The following SIRT2 variants were observed in gnomAD, a reference collection of about 807,000 sequenced individuals.
SIRT2 encodes sirtuin 2.
Under a neutral mutation model 57.4 loss-of-function variants are expected in SIRT2, and 40 were observed. The ratio of observed to expected loss-of-function variants is 0.70; its 90% CI spans 0.54 to 0.91. The LOEUF (loss-of-function observed/expected upper bound fraction) is 0.91. SIRT2 is among the 40% of genes least tolerant of loss of function. SIRT2 has a pLI of 0.00. For synonymous variants in SIRT2, 161 were observed against 195.7 expected (o/e 0.82, Z 1.48); for missense variants, 439 against 510.4 (o/e 0.86, Z 1.35).
Position 38,879,188 on chromosome 19 carries a change from C to T in SIRT2, c.1137G>A (p.Glu379=), listed in dbSNP as rs147376113. 2 of 1,586,526 alleles carry T rather than the reference C, an allele frequency of 1.3e-6. No individual in the cohort carries two copies. Among genetic ancestry groups the T allele is most frequent in the Non-Finnish European group, 1.7e-6 (2 of 1,172,744 alleles). ...PKKSPPPAKD[E]ARTTEREKPQ is the part of the protein sequence containing the mutation. ...GTTTCTCCCTCTCTGTTGTCCTGGCCTCGTCCTTGGCAGGTGGCGGGGACT... is the reference window on the plus strand; with the variant it reads ...GTTTCTCCCTCTCTGTTGTCCTGGCTTCGTCCTTGGCAGGTGGCGGGGACT... Residue 379 remains glutamate, a synonymous_variant, in exon 16 of 16, where the codon GAG becomes GAA. Transcript: ENST00000249396.
At chr19:38,886,069 C>T (rs758535383) in intron 8 of SIRT2, among the ~76,000 whole-genome samples, 3 of 152,184 alleles carry the variant, frequency 2.0e-5, no homozygotes, top group Non-Finnish European at 4.4e-5. Context: ...GCAGAGGTTA[C>T]GCAGAGATGG....
chr19:38,885,803 A>C (rs991992788), intron 8 of SIRT2, among the ~76,000 whole-genome samples: 2 of 151,510 alleles, frequency 1.3e-5, no homozygotes, highest in South Asian at 2.1e-4. Context: ...GTTGGTCAGG[A>C]TGGTCTCGAT....
intron 8 of SIRT2, among the ~76,000 whole-genome samples, chr19:38,888,617 CA>C (rs1405666860): frequency 1.3e-5 from 2 of 152,170 alleles, no homozygotes; most frequent in Non-Finnish European, 2.9e-5. Flanking sequence ...GGGCAAAGCA[CA>C]AAAAACTATA....
At position 38,879,492 on chromosome 19, in the gene SIRT2, G is replaced by A; in HGVS notation, c.956C>T (p.Ala319Val). The A allele has an allele frequency of 1.2e-6, 2 of 1,604,512 alleles. No homozygotes were observed. Among genetic ancestry groups the A allele is most frequent in the Non-Finnish European group, 1.7e-6 (2 of 1,175,552 alleles). ...GCCCTGGTCGCATTCACCCAGCCAG[G>A]CCACGTCCCTGCGGTGCAGCAGGAG... ...FDSKKAYRDVAWLGECDQGCL... is the reference protein window; with the variant it reads ...FDSKKAYRDVVWLGECDQGCL... Residue 319 changes from alanine (A) to valine (V), a missense_variant, in exon 15 of 16, where the codon GCC (alanine) becomes GTC (valine). Physicochemically the swap from Ala to Val is moderately conservative, Grantham distance 64. Coordinates refer to ENST00000249396, the MANE Select transcript of SIRT2 (RefSeq NM_012237.4).
chr19:38,898,499 G>A, intron 1 of SIRT2, 74 bp from the exon 2 acceptor site: 1 of 778,702 alleles, frequency 1.3e-6, no homozygotes, highest in Non-Finnish European at 2.0e-6. Context: ...CAAATGGTCA[G>A]TGAGGGGGCA....
intron 6 of SIRT2, 43 bp from the exon 7 acceptor site, chr19:38,889,788 T>C (rs1487071654): frequency 6.2e-7 from 1 of 1,613,878 alleles, no homozygotes; most frequent in Non-Finnish European, 8.5e-7. Context: ...CCAGGTAGCG[T>C]GAGGGTTGGA....
chr19:38,899,138 G>A (rs1973839360), intron 1 of SIRT2, among the ~76,000 whole-genome samples: 1 of 152,106 alleles, frequency 6.6e-6, no homozygotes, highest in African/African-American at 2.4e-5. Flanking sequence ...ACAAGGGGAA[G>A]CCATAGGAGG....
intron 2 of SIRT2, among the ~76,000 whole-genome samples, chr19:38,897,295 C>A (rs1043697009): frequency 6.6e-6 from 1 of 152,146 alleles, no homozygotes; most frequent in African/African-American, 2.4e-5. Context: ...ACATCACACC[C>A]CTTCATGCCC....
At position 38,881,665 on chromosome 19, in the gene SIRT2, G is replaced by C. The variant is rs377722795; in HGVS notation, c.632-174C>G. On this transcript the variant is annotated intron_variant, in intron 9 of 15. Coordinates refer to ENST00000249396, the MANE Select transcript of SIRT2 (RefSeq NM_012237.4). ...CTGCTCAGAAAAGACCTCTCTTCTT[G>C]TTGTTGCATTTTTTTTGTTTTTTTC... Among the ~76,000 whole-genome samples the C allele has an allele frequency of 7.1e-4, 108 of 151,694 alleles. 1 individual carries two copies. The highest frequency in any genetic ancestry group is 1.9e-3 in the African/African-American group (77 of 41,362).
chr19:38,886,740 G>C (rs552948822), intron 8 of SIRT2, among the ~76,000 whole-genome samples: 157 of 151,384 alleles, frequency 1.0e-3, no homozygotes, highest in Non-Finnish European at 7.8e-4. Flanking sequence ...TCCTGCCTCA[G>C]CATCCTGAGT....
chr19:38,896,020 G>A (rs1359830665), intron 2 of SIRT2, among the ~76,000 whole-genome samples: 4 of 152,010 alleles, frequency 2.6e-5, no homozygotes, highest in Non-Finnish European at 4.4e-5. Context: ...TGCAGTCAGC[G>A]AGATCACCCC....
At chr19:38,899,181 G>C (rs942411705) in intron 1 of SIRT2, among the ~76,000 whole-genome samples, 2 of 152,124 alleles carry the variant, frequency 1.3e-5, no homozygotes. Context: ...TCCTCTGGTT[G>C]CCTCTAACAA....
At chr19:38,892,926 A>G (rs1973590184) in intron 4 of SIRT2, among the ~76,000 whole-genome samples, 1 of 152,202 alleles carries the variant, frequency 6.6e-6, no homozygotes, top group Non-Finnish European at 1.5e-5. Flanking sequence ...GTTAGATACT[A>G]TAATCATTAT....
chr19:38,880,255 C>G lies in SIRT2; in HGVS notation c.876+430G>C, dbSNP rs1973103662. 5.1e-6 allele frequency: 1 copy of G among 196,626 alleles called. No homozygotes were observed. The highest frequency in any genetic ancestry group is 1.3e-4 in the South Asian group (1 of 7,676). 12.2% of individuals were successfully genotyped at this position (196,626 alleles called of 1,614,324 possible). A position where few individuals can be genotyped will look rare whatever the true frequency, so the allele number is the denominator to read the frequency against. On this transcript the variant is annotated intron_variant, in intron 13 of 15. Coordinates refer to ENST00000249396, the MANE Select transcript of SIRT2 (RefSeq NM_012237.4). This position sits in a 1 kb window ranked among gnomAD's most constrained non-coding sequence, Gnocchi z 4.1. ...CGCAGGCTAAGACTTGGGACAGTGT[C>G]TGCCCACAGCGTGCGCTGCTTGCCC...
chr19:38,893,052 G>A (rs2144696597), intron 4 of SIRT2, among the ~76,000 whole-genome samples: 1 of 152,110 alleles, frequency 6.6e-6, no homozygotes, highest in East Asian at 1.9e-4. Flanking sequence ...ACTCAACCGG[G>A]ACCAATGGGA....
intron 8 of SIRT2, among the ~76,000 whole-genome samples, chr19:38,887,346 G>A (rs187316973): frequency 6.6e-6 from 1 of 152,312 alleles, no homozygotes; most frequent in East Asian, 1.9e-4. Context: ...TGGGGTGAGT[G>A]TCATGACATC....
At position 38,893,858 on chromosome 19, in the gene SIRT2, A is replaced by C; in HGVS notation, c.73T>G (p.Ser25Ala). The C allele has an allele frequency of 6.2e-7, 1 of 1,614,074 alleles. No individual in the cohort carries two copies. Among genetic ancestry groups the C allele is most frequent in the South Asian group, 1.1e-5 (1 of 91,074 alleles). Residue 25 changes from serine to alanine, a missense_variant, in exon 3 of 16, where the codon TCA (serine) becomes GCA (alanine). Transcript: ENST00000249396. ...CCAGCGGCTCCTCCCTCAGAGTCTG[A>C]ATCTGAGTCCTGGAAGGGGTGGGGT... ...GKVQEAQDSDSDSEGGAAGGE... is the reference protein window; with the variant it reads ...GKVQEAQDSDADSEGGAAGGE...
rs564981346 is a variant in SIRT2 at position 38,891,316 on chromosome 19, A to AG, written c.227-1173dup. 6.2e-3 allele frequency among the ~76,000 whole-genome samples: 942 copies of AG among 152,236 alleles called. 2 individuals carry two copies. The highest frequency in any genetic ancestry group is 9.4e-3 in the Non-Finnish European group (636 of 68,008). ...GTAATCCCAGCACTTTGGGAGGCCG[A>AG]GGGGGGCAGATCACCTGAGGTCAGG... is the stretch of plus-strand genomic sequence containing the variant. On this transcript the variant is annotated intron_variant, in intron 4 of 15. Transcript: ENST00000249396.
At chr19:38,892,028 G>C in intron 4 of SIRT2, 2 of 412,120 alleles carry the variant, frequency 4.9e-6, no homozygotes, top group South Asian at 3.5e-5. Context: ...AACCACAAAG[G>C]GTCGATTGTT....
Sources: allele counts gnomAD v4.1 joint callset (sites outside exome capture counted in the v4.1 genomes callset), GRCh38; gene constraint gnomAD v4.1.1; non-coding constraint Gnocchi (gnomAD v3.1); transcripts MANE v1.5; gene names NCBI Gene and HGNC (gene_info 2026-07-23, HGNC 2026-07-21).